Variants in CTIF observed in about 807,000 individuals in gnomAD.
The protein encoded by CTIF is CBP80/20-dependent translation initiation factor.
In CTIF, 21 loss-of-function variants were observed where a neutral mutation model predicts 66.0. That is an observed-to-expected ratio of 0.32 (90% CI 0.23 to 0.46). The LOEUF is 0.46. Among genes scored for constraint, CTIF ranks in the 20% least tolerant of loss-of-function variants. The pLI is 1.00. For missense variants in CTIF, 739 were observed against 812.7 expected, an observed-to-expected ratio of 0.91 and a Z score of 1.10; for synonymous variants, 345 against 326.4, an observed-to-expected ratio of 1.06 and a Z score of -0.62.
rs547447939 is a variant in CTIF, at chr18:48,633,087, C to G, written c.181-3527C>G. 6.2e-4 allele frequency among the ~76,000 whole-genome samples: 84 copies of G among 135,168 alleles called. 1 individual carries two copies. Among genetic ancestry groups the G allele is most frequent in the African/African-American group, 2.1e-3 (82 of 39,332 alleles). 88.7% of individuals were successfully genotyped at this position (135,168 alleles called of 152,430 possible). A position where few individuals can be genotyped will look rare whatever the true frequency, so the allele number is the denominator to read the frequency against. On this transcript the variant is annotated intron_variant, in intron 2 of 11. Coordinates refer to ENST00000256413, the MANE Select transcript of CTIF (RefSeq NM_014772.3). ...TGCTGACCCTGGAGAAGGTGTGTCC[C>G]CCGTGAGTCACCGTGCCGTGGAATA... is the stretch of plus-strand genomic sequence containing the variant.
intron 7 of CTIF, among the ~76,000 whole-genome samples, chr18:48,748,145 A>G (rs1165506706): frequency 1.3e-5 from 2 of 152,040 alleles, no homozygotes; most frequent in Non-Finnish European, 2.9e-5. Flanking sequence ...TTCTTCTAGA[A>G]GAGCGCAGAT....
At chr18:48,557,334 A>G (rs572742969) in intron 1 of CTIF, among the ~76,000 whole-genome samples, 15 of 152,356 alleles carry the variant, frequency 9.8e-5, no homozygotes, top group African/African-American at 3.4e-4. Flanking sequence ...TGTCCCAGCC[A>G]GAGCTTTTGG....
intron 7 of CTIF, among the ~76,000 whole-genome samples, chr18:48,746,583 AG>A (rs977138322): frequency 2.0e-5 from 3 of 151,826 alleles, no homozygotes; most frequent in African/African-American, 7.2e-5. Context: ...ATTAGGTGAG[AG>A]GGAGCATTGT....
At chr18:48,569,385 G>C (rs2089358202) in intron 1 of CTIF, among the ~76,000 whole-genome samples, 1 of 151,636 alleles carries the variant, frequency 6.6e-6, no homozygotes, top group South Asian at 2.1e-4. Flanking sequence ...AAGATGACAA[G>C]GTGAACAAAG....
chr18:48,762,570 T>C (rs1412601169), intron 9 of CTIF, among the ~76,000 whole-genome samples: 1 of 152,168 alleles, frequency 6.6e-6, no homozygotes, highest in Non-Finnish European at 1.5e-5. Context: ...TTTTGTATTT[T>C]AGAGACTAGT....
intron 10 of CTIF, among the ~76,000 whole-genome samples, chr18:48,825,704 C>G (rs561164578): frequency 6.6e-6 from 1 of 152,278 alleles, no homozygotes; most frequent in South Asian, 2.1e-4. Flanking sequence ...CCAGAAGTGA[C>G]CAAGATAGTC....
chr18:48,549,952 T>A (rs890047522), intron 1 of CTIF, among the ~76,000 whole-genome samples: 5 of 151,938 alleles, frequency 3.3e-5, no homozygotes, highest in Non-Finnish European at 7.4e-5. Flanking sequence ...TACTTTTTTT[T>A]ATATCTCAAT....
chr18:48,699,029 C>T lies in CTIF; in HGVS notation c.508-12590C>T, dbSNP rs184466860. Among the ~76,000 whole-genome samples, 251 of 152,240 alleles carry T rather than the reference C, an allele frequency of 1.6e-3. 2 individuals are homozygous for T. Among genetic ancestry groups the T allele is most frequent in the East Asian group, 3.3e-3 (17 of 5,178 alleles). On this transcript the variant is annotated intron_variant, in intron 6 of 11. Coordinates refer to ENST00000256413, the MANE Select transcript of CTIF (RefSeq NM_014772.3). The stretch of plus-strand genomic sequence containing the variant: ...TTTCAACCCTCTGTCCCTCCAGCAC[C>T]AAGGCTGAGCTGCCCCTGCTGGTTC...
intron 7 of CTIF, among the ~76,000 whole-genome samples, chr18:48,724,596 C>G (rs941470272): frequency 6.6e-6 from 1 of 152,214 alleles, no homozygotes; most frequent in African/African-American, 2.4e-5. Context: ...CATTCATCCT[C>G]CCTTGATCCT....
At chr18:48,858,350 T>C (rs2069377201) in intron 11 of CTIF, among the ~76,000 whole-genome samples, 1 of 152,102 alleles carries the variant, frequency 6.6e-6, no homozygotes, top group Non-Finnish European at 1.5e-5. Context: ...GGGACTCAGT[T>C]TGTTTGTTGG....
rs1257731908 is a variant in CTIF, at chr18:48,574,858, C to T, written c.-29+35546C>T. ...ACCCAGCTCTTGAGGTAGGTGACTTCCTGTGTGACCTGGCCCAAGACTCAC... is the reference window on the plus strand; with the variant it reads ...ACCCAGCTCTTGAGGTAGGTGACTTTCTGTGTGACCTGGCCCAAGACTCAC... On this transcript the variant is annotated intron_variant, in intron 1 of 11. Coordinates refer to ENST00000256413, the MANE Select transcript of CTIF (RefSeq NM_014772.3). Among the ~76,000 whole-genome samples, 6 of 152,160 alleles carry T rather than the reference C, an allele frequency of 3.9e-5. No individual in the cohort carries two copies. In the East Asian group the frequency reaches 1.2e-3, roughly 29 times the overall value.
intron 1 of CTIF, among the ~76,000 whole-genome samples, chr18:48,585,118 A>T (rs948805127): frequency 1.3e-5 from 2 of 152,242 alleles, no homozygotes; most frequent in African/African-American, 4.8e-5. Flanking sequence ...GTGGAGGAGC[A>T]GTGGGAACAA....
intron 1 of CTIF, among the ~76,000 whole-genome samples, chr18:48,588,211 A>AC (rs2089813143): frequency 6.7e-6 from 1 of 150,290 alleles, no homozygotes; most frequent in East Asian, 2.0e-4. Context: ...CACAGAGGAC[A>AC]CCCCCCAGCC....
chr18:48,612,037 C>G (rs1014580457), intron 1 of CTIF, among the ~76,000 whole-genome samples: 7 of 152,326 alleles, frequency 4.6e-5, no homozygotes, highest in African/African-American at 1.7e-4. Flanking sequence ...GGTCACATGC[C>G]TTCGACTTCA....
At chr18:48,779,976 A>G (rs1911058671) in intron 9 of CTIF, among the ~76,000 whole-genome samples, 1 of 152,164 alleles carries the variant, frequency 6.6e-6, no homozygotes, top group Admixed American at 6.5e-5. Flanking sequence ...GCAGCCCCGG[A>G]GGTCAGGTGG....
intron 9 of CTIF, among the ~76,000 whole-genome samples, chr18:48,782,869 C>T (rs1911368136): frequency 6.6e-6 from 1 of 152,210 alleles, no homozygotes; most frequent in Admixed American, 6.5e-5. Flanking sequence ...CCCGGGGCAG[C>T]TGCCACCACC....
At chr18:48,592,329 CCTACTAAAAA>C (rs1161962081) in intron 1 of CTIF, among the ~76,000 whole-genome samples, 1 of 151,748 alleles carries the variant, frequency 6.6e-6, no homozygotes, top group Non-Finnish European at 1.5e-5. Context: ...CATGGAGAAA[CCTACTAAAAA>C]CTACAAAATT....
At chr18:48,604,040 G>T (rs910903478) in intron 1 of CTIF, among the ~76,000 whole-genome samples, 4 of 150,998 alleles carry the variant, frequency 2.6e-5, no homozygotes, top group Admixed American at 6.6e-5. Context: ...TAGAGATGGG[G>T]TTTCACCATG....
At chr18:48,735,508 G>T (rs113883834) in intron 7 of CTIF, among the ~76,000 whole-genome samples, 14 of 152,308 alleles carry the variant, frequency 9.2e-5, no homozygotes, top group Admixed American at 2.0e-4. Flanking sequence ...GAAGCACGTG[G>T]CAGGTGGAGG....
Sources: allele counts gnomAD v4.1 joint callset (sites outside exome capture counted in the v4.1 genomes callset), GRCh38; gene constraint gnomAD v4.1.1; transcripts MANE v1.5; gene names NCBI Gene and HGNC (gene_info 2026-07-23, HGNC 2026-07-21).